PEX5L: variants seen among roughly 807,000 people sequenced by gnomAD.
The protein encoded by PEX5L is PEX5-related protein.
PEX5L carries 30 observed loss-of-function variants against 84.0 expected under a neutral mutation model. That is an observed-to-expected ratio of 0.36 (90% CI 0.27 to 0.48). The LOEUF (loss-of-function observed/expected upper bound fraction) is 0.48. PEX5L is among the 20% of genes least tolerant of loss of function. The probability of loss-of-function intolerance (pLI) is 0.99; values close to 1 mark genes in which losing one functional copy is unlikely to be tolerated. For missense variants in PEX5L, 533 were observed against 754.6 expected, an observed-to-expected ratio of 0.71 and a Z score of 3.44; for synonymous variants, 270 against 283.1, an observed-to-expected ratio of 0.95 and a Z score of 0.46.
rs1051434010 is a variant in PEX5L at position 180,000,749 on chromosome 3, C to A, written c.22-29084G>T. 4.6e-5 allele frequency among the ~76,000 whole-genome samples: 7 copies of A among 152,164 alleles called. No individual in the cohort carries two copies. In the South Asian group the frequency reaches 8.3e-4, roughly 18 times the overall value. On this transcript the variant is annotated intron_variant, in intron 1 of 14. Transcript: ENST00000467460. ...ATCAGATTTATTGATTTCATACCAG[C>A]ATTTAAGTATTGTTAACTTTATGTA...
rs534409464 is a variant in PEX5L at position 179,921,205 on chromosome 3, C to T, written c.94-22959G>A. Reference sequence around the variant, plus strand: ...GTAATAAATGGGATTTTTTAGGACTCTAGTCCTAAAAATTTGGACTTTCCA... The same window carrying T: ...GTAATAAATGGGATTTTTTAGGACTTTAGTCCTAAAAATTTGGACTTTCCA... On this transcript the variant is annotated intron_variant, in intron 2 of 14. Transcript: ENST00000467460. 6.6e-5 allele frequency among the ~76,000 whole-genome samples: 10 copies of T among 152,108 alleles called. 1 individual carries two copies. Among genetic ancestry groups the T allele is most frequent in the African/African-American group, 2.2e-4 (9 of 41,490 alleles).
At chr3:179,805,708 T>A (rs1386345288) in intron 14 of PEX5L, among the ~76,000 whole-genome samples, 2 of 152,168 alleles carry the variant, frequency 1.3e-5, no homozygotes. Context: ...CAAATTTAAG[T>A]GGGCATTCTG....
At chr3:179,929,983 G>T (rs1321958287) in intron 2 of PEX5L, among the ~76,000 whole-genome samples, 1 of 152,124 alleles carries the variant, frequency 6.6e-6, no homozygotes, top group Non-Finnish European at 1.5e-5. Context: ...TGTCTGAGTT[G>T]CCAAGCCTGA....
At chr3:179,970,301 C>T (rs1464839561) in intron 2 of PEX5L, among the ~76,000 whole-genome samples, 3 of 151,898 alleles carry the variant, frequency 2.0e-5, no homozygotes, top group Non-Finnish European at 4.4e-5. Flanking sequence ...GATCAGAATC[C>T]CAGTCTATGG....
At chr3:179,981,612 C>T (rs1258948267) in intron 1 of PEX5L, among the ~76,000 whole-genome samples, 1 of 152,006 alleles carries the variant, frequency 6.6e-6, no homozygotes, top group African/African-American at 2.4e-5. Context: ...TATGGGCCTA[C>T]AACAGACACA....
intron 2 of PEX5L, among the ~76,000 whole-genome samples, chr3:179,958,508 T>C (rs771090752): frequency 1.3e-5 from 2 of 152,194 alleles, no homozygotes; most frequent in Non-Finnish European, 2.9e-5. Flanking sequence ...ACATACTAAA[T>C]GCTGTGTAAG....
rs1751448888 is a variant in PEX5L, at chr3:179,874,434, T to TG, written c.630-12dup. On this transcript the variant is annotated splice_polypyrimidine_tract_variant and intron_variant, in intron 6 of 14. Coordinates refer to ENST00000467460, the MANE Select transcript of PEX5L (RefSeq NM_016559.3). ...CTGTGTTCTGAGGACCTATAAGGGA[T>TG]GCATTAAGGAAATTAAACGTACACT... 6.8e-7 allele frequency: 1 copy of TG among 1,474,184 alleles called. No individual in the cohort carries two copies. The highest frequency in any genetic ancestry group is 1.2e-5 in the South Asian group (1 of 84,066). 91.3% of individuals were successfully genotyped at this position (1,474,184 alleles called of 1,614,324 possible).
intron 1 of PEX5L, among the ~76,000 whole-genome samples, chr3:180,027,732 T>C (rs1387615504): frequency 2.0e-5 from 3 of 152,246 alleles, no homozygotes; most frequent in Non-Finnish European, 2.9e-5. Context: ...ATTTCCTTCC[T>C]AGCCCAAGAT....
At chr3:179,855,706 T>C (rs945464481) in intron 8 of PEX5L, among the ~76,000 whole-genome samples, 2 of 152,266 alleles carry the variant, frequency 1.3e-5, no homozygotes, top group East Asian at 1.9e-4. Context: ...GGCGGGGCTG[T>C]CATGAATGGG....
chr3:179,871,968 C>T (rs1433666195), intron 7 of PEX5L, among the ~76,000 whole-genome samples: 1 of 152,154 alleles, frequency 6.6e-6, no homozygotes, highest in African/African-American at 2.4e-5. Flanking sequence ...CTCACTGTAG[C>T]CTCTGCCTCC....
intron 8 of PEX5L, among the ~76,000 whole-genome samples, chr3:179,847,097 A>G (rs1739741664): frequency 6.6e-6 from 1 of 150,762 alleles, no homozygotes; most frequent in Non-Finnish European, 1.5e-5. Context: ...ATATATATAT[A>G]TATGTATATC....
At chr3:179,871,437 A>G (rs1750359582) in intron 7 of PEX5L, among the ~76,000 whole-genome samples, 1 of 152,106 alleles carries the variant, frequency 6.6e-6, no homozygotes, top group Non-Finnish European at 1.5e-5. Flanking sequence ...GAATTTTTAT[A>G]CCACCTTCAT....
chr3:179,888,024 C>T, intron 3 of PEX5L: 2 of 853,644 alleles, frequency 2.3e-6, no homozygotes, highest in South Asian at 1.4e-5. Context: ...CAAGCCTTTC[C>T]TCCCCCCTCC....
At chr3:179,913,730 C>G (rs1366778127) in intron 2 of PEX5L, among the ~76,000 whole-genome samples, 1 of 152,086 alleles carries the variant, frequency 6.6e-6, no homozygotes, top group Non-Finnish European at 1.5e-5. Flanking sequence ...AAAACAAAAA[C>G]TATGTCACAG....
intron 2 of PEX5L, among the ~76,000 whole-genome samples, chr3:179,910,504 A>C (rs1467140205): frequency 6.6e-6 from 1 of 152,240 alleles, no homozygotes; most frequent in Non-Finnish European, 1.5e-5. Context: ...TATAGTTGAT[A>C]TGTATGTAAA....
chr3:179,828,110 C>T (rs1462494649), intron 8 of PEX5L, among the ~76,000 whole-genome samples: 2 of 152,150 alleles, frequency 1.3e-5, no homozygotes, highest in Non-Finnish European at 2.9e-5. Context: ...CCAGAATCCC[C>T]CCAACCCCTG....
chr3:179,937,567 G>T (rs2109741961), intron 2 of PEX5L, among the ~76,000 whole-genome samples: 1 of 152,258 alleles, frequency 6.6e-6, no homozygotes, highest in South Asian at 2.1e-4. Context: ...CTCCAGGAAA[G>T]ACCAGTGTGT....
At chr3:180,022,546 G>A (rs1233584794) in intron 1 of PEX5L, among the ~76,000 whole-genome samples, 5 of 152,144 alleles carry the variant, frequency 3.3e-5, no homozygotes, top group South Asian at 4.1e-4. Flanking sequence ...GAAACACTTG[G>A]TTAACTACCT....
intron 1 of PEX5L, among the ~76,000 whole-genome samples, chr3:179,977,162 A>T (rs200430978): frequency 2.2e-4 from 33 of 152,174 alleles, no homozygotes; most frequent in Admixed American, 3.9e-4. Context: ...GAATTTTTTT[A>T]TAATTAAAGA....
Sources: allele counts gnomAD v4.1 joint callset (sites outside exome capture counted in the v4.1 genomes callset), GRCh38; gene constraint gnomAD v4.1.1; transcripts MANE v1.5; gene names NCBI Gene and HGNC (gene_info 2026-07-23, HGNC 2026-07-21).